NOSTRIN: variants seen among roughly 807,000 people sequenced by gnomAD.
The protein encoded by NOSTRIN is BM247 homolog.
A neutral mutation model predicts 59.0 loss-of-function variants in NOSTRIN; 63 were observed. The observed-to-expected ratio is 1.07, with a 90% CI of 0.87 to 1.32. The LOEUF (loss-of-function observed/expected upper bound fraction) is 1.32. Among genes scored for constraint, NOSTRIN ranks in the 40% most tolerant of loss-of-function variants. NOSTRIN has a pLI of 0.00. For synonymous variants in NOSTRIN, 200 were observed against 165.4 expected, an observed-to-expected ratio of 1.21 and a Z score of -1.61; for missense variants, 512 against 473.1, an observed-to-expected ratio of 1.08 and a Z score of -0.76.
At chr2:168,823,509 T>C (rs759549332) in intron 2 of NOSTRIN, among the ~76,000 whole-genome samples, 19 of 152,214 alleles carry the variant, frequency 1.2e-4, no homozygotes, top group African/African-American at 3.4e-4. Flanking sequence ...TTCTTTGGCT[T>C]GTAGATGCAC....
chr2:168,835,703 A>G (rs576908366), intron 7 of NOSTRIN, among the ~76,000 whole-genome samples: 1 of 152,218 alleles, frequency 6.6e-6, no homozygotes, highest in African/African-American at 2.4e-5. Context: ...GTGAGGGCCT[A>G]GGGCAGCTTT....
chr2:168,833,485 A>G (rs1021125804), intron 6 of NOSTRIN, among the ~76,000 whole-genome samples: 1 of 152,254 alleles, frequency 6.6e-6, no homozygotes, highest in Non-Finnish European at 1.5e-5. Flanking sequence ...AAAGTCTTTC[A>G]ATCAGCCTAC....
chr2:168,855,264 A>C (rs1247091676), intron 10 of NOSTRIN, 88 bp from the exon 11 acceptor site: 1 of 586,792 alleles, frequency 1.7e-6, no homozygotes. Flanking sequence ...GTTAAAATTA[A>C]ATGCAGCCAG....
intron 8 of NOSTRIN, among the ~76,000 whole-genome samples, chr2:168,849,031 T>C (rs993052682): frequency 6.6e-6 from 1 of 152,132 alleles, no homozygotes; most frequent in Admixed American, 6.5e-5. Context: ...AACACAGGGA[T>C]ATAGAGGAAT....
chr2:168,864,512 C>A (rs1689728909), intron 15 of NOSTRIN, among the ~76,000 whole-genome samples: 1 of 152,110 alleles, frequency 6.6e-6, no homozygotes, highest in Non-Finnish European at 1.5e-5. Flanking sequence ...TCTCGAAACT[C>A]CTGACCTTGT....
intron 15 of NOSTRIN, among the ~76,000 whole-genome samples, chr2:168,862,289 C>A (rs1321349665): frequency 1.3e-5 from 2 of 152,178 alleles, no homozygotes. Flanking sequence ...ATTCATGAAA[C>A]CCTTGGAGGG....
rs549109679 is a variant in NOSTRIN, at chr2:168,851,324, A to G, written c.775A>G (p.Lys259Glu). ...TGCCATCAGCAAGATTGACATTGAAAAAGATATCCAGGCTGTAATGGAAGA... is the reference window on the plus strand; with the variant it reads ...TGCCATCAGCAAGATTGACATTGAAGAAGATATCCAGGCTGTAATGGAAGA... ...HCAISKIDIE[K>E]DIQAVMEETA... is the part of the protein sequence containing the mutation. The change falls in exon 10 of 16, where the codon AAA becomes GAA. Residue 259 changes from lysine to glutamate, a missense_variant. Lys to Glu is a moderately conservative substitution (Grantham distance 56). Coordinates refer to ENST00000317647, the MANE Select transcript of NOSTRIN (RefSeq NM_001039724.4). The G allele has an allele frequency of 2.9e-5, 46 of 1,614,012 alleles. No individual in the cohort carries two copies. In the South Asian group the frequency reaches 4.8e-4, roughly 17 times the overall value.
chr2:168,841,606 A>G (rs1688112931), intron 7 of NOSTRIN, among the ~76,000 whole-genome samples: 1 of 152,186 alleles, frequency 6.6e-6, no homozygotes, highest in Non-Finnish European at 1.5e-5. Flanking sequence ...ACTGGCAATA[A>G]TTACACTCGC....
At chr2:168,837,711 A>T (rs943124011) in intron 7 of NOSTRIN, among the ~76,000 whole-genome samples, 3 of 152,016 alleles carry the variant, frequency 2.0e-5, no homozygotes, top group African/African-American at 7.3e-5. Context: ...CCATCTTTCC[A>T]CTAAGAGTGT....
At chr2:168,805,679 C>T (rs1022687979) in intron 1 of NOSTRIN, among the ~76,000 whole-genome samples, 2 of 152,140 alleles carry the variant, frequency 1.3e-5, no homozygotes, top group African/African-American at 4.8e-5. Flanking sequence ...AGCCCCTCCC[C>T]GCATGTCATC....
At chr2:168,863,489 G>A (rs911799443) in intron 15 of NOSTRIN, 2 of 985,214 alleles carry the variant, frequency 2.0e-6, no homozygotes, top group Admixed American at 1.2e-4. Context: ...CCTGAAGGGG[G>A]CAGATCTTTC....
At chr2:168,848,070 G>C (rs1031309573) in intron 8 of NOSTRIN, among the ~76,000 whole-genome samples, 2 of 152,120 alleles carry the variant, frequency 1.3e-5, no homozygotes, top group African/African-American at 4.8e-5. Flanking sequence ...CTTGCTCATA[G>C]GCTAAAACAG....
Position 168,834,514 on chromosome 2 carries a change from C to CAA in NOSTRIN, c.504+190_504+191insAA, listed in dbSNP as rs755428776. ...GTGCGCGCGCGCGCGCGCGCACACA[C>CAA]ACACACACACACACACACACACACA... On this transcript the variant is annotated intron_variant, in intron 7 of 15. Transcript: ENST00000317647. Among the ~76,000 whole-genome samples the CAA allele has an allele frequency of 6.7e-3, 946 of 141,116 alleles. 5 individuals carry two copies. The highest frequency in any genetic ancestry group is 0.01 in the Non-Finnish European group (658 of 65,636). The allele number at this position is 141,116 out of a possible 152,430, so 92.6% of individuals were successfully genotyped here.
At chr2:168,839,537 A>T (rs1574306294) in intron 7 of NOSTRIN, among the ~76,000 whole-genome samples, 1 of 152,268 alleles carries the variant, frequency 6.6e-6, no homozygotes, top group East Asian at 1.9e-4. Flanking sequence ...TTGTTCCAAG[A>T]GCAAAAAAAG....
At chr2:168,816,173 C>T (rs541876436) in intron 2 of NOSTRIN, among the ~76,000 whole-genome samples, 2 of 152,236 alleles carry the variant, frequency 1.3e-5, no homozygotes, top group Admixed American at 1.3e-4. Flanking sequence ...AAGCCTTTTA[C>T]TCTGACAGAG....
At chr2:168,848,116 G>A (rs574936573) in intron 8 of NOSTRIN, among the ~76,000 whole-genome samples, 1 of 152,288 alleles carries the variant, frequency 6.6e-6, no homozygotes, top group South Asian at 2.1e-4. Context: ...TATAGGGTAA[G>A]GACTTCTTCT....
chr2:168,829,948 A>G (rs576596663), intron 5 of NOSTRIN, among the ~76,000 whole-genome samples: 13 of 152,174 alleles, frequency 8.5e-5, no homozygotes, highest in Non-Finnish European at 1.6e-4. Flanking sequence ...AATGATTTTT[A>G]AAAATTTTAT....
chr2:168,822,985 T>C (rs767731516), intron 2 of NOSTRIN, among the ~76,000 whole-genome samples: 1 of 152,228 alleles, frequency 6.6e-6, no homozygotes, highest in Non-Finnish European at 1.5e-5. Context: ...AGGACAGTTT[T>C]CTGTTCCTTA....
chr2:168,817,595 T>G (rs917856457), intron 2 of NOSTRIN, among the ~76,000 whole-genome samples: 1 of 152,132 alleles, frequency 6.6e-6, no homozygotes, highest in African/African-American at 2.4e-5. Context: ...CTCCCTGTCC[T>G]CCCCTACCCC....
Sources: gnomAD v4.1 joint callset for allele counts (sites outside exome capture counted in the v4.1 genomes callset) on GRCh38, gnomAD v4.1.1 for gene constraint, MANE v1.5 for transcripts, NCBI Gene and HGNC (gene_info 2026-07-23, HGNC 2026-07-21) for gene names.